The following LILRB3 variants were observed in gnomAD, a reference collection of about 807,000 sequenced individuals.
LILRB3 encodes the protein leukocyte immunoglobulin like receptor B3, also known as leukocyte immunoglobulin-like receptor subfamily B member 3.
LILRB3 carries 32 observed loss-of-function variants against 68.2 expected under a neutral mutation model. The observed-to-expected ratio is 0.47, with a 90% CI of 0.35 to 0.63. The LOEUF (loss-of-function observed/expected upper bound fraction) is 0.63. Ranked by LOEUF, LILRB3 falls within the 30% of genes least tolerant of loss-of-function variation. LILRB3 has a pLI of 0.00. For synonymous variants in LILRB3, 185 were observed against 323.1 expected, an observed-to-expected ratio of 0.57 and a Z score of 4.58; for missense variants, 502 against 791.3, an observed-to-expected ratio of 0.63 and a Z score of 4.39.
exon 3 of LILRB3, chr19:54,222,336 G>T (rs1391484659): frequency 6.2e-7 from 1 of 1,604,878 alleles, no homozygotes; most frequent in South Asian, 1.1e-5. Context: ...AGCTGTAATA[G>T]TGGCAGCGGT....
At chr19:54,217,598 C>T (rs1042415463) in intron 11 of LILRB3, 124 bp from the exon 12 acceptor site, 2 of 1,318,482 alleles carry the variant, frequency 1.5e-6, no homozygotes, top group African/African-American at 3.1e-5. Flanking sequence ...TCAGGGACGC[C>T]CTAAGGCCGT....
intron 7 of LILRB3, chr19:54,219,542 C>G: frequency 6.5e-7 from 1 of 1,550,344 alleles, no homozygotes; most frequent in Non-Finnish European, 8.7e-7. Context: ...GGGAAAGAGC[C>G]TGACCGTCCT....
chr19:54,222,438 G>C (rs1453732072), exon 3 of LILRB3: 2 of 1,605,108 alleles, frequency 1.2e-6, no homozygotes, highest in Non-Finnish European at 1.7e-6. Context: ...AGGGCTCTGG[G>C]CTTCCCTCTT....
rs1238594234 is a variant in LILRB3 at position 54,218,757 on chromosome 19, A to T, written c.1502+6T>A. 6.2e-7 allele frequency: 1 copy of T among 1,614,036 alleles called. No individual in the cohort carries two copies. The highest frequency in any genetic ancestry group is 1.3e-5 in the African/African-American group (1 of 74,986). ...TGGGAGTCTGTGGTCTTTGGGGCAGAATTACCTCCTCAGCAGGCCCCTGTC... is the reference window on the plus strand; with the variant it reads ...TGGGAGTCTGTGGTCTTTGGGGCAGTATTACCTCCTCAGCAGGCCCCTGTC... On this transcript the variant is annotated splice_donor_region_variant and intron_variant, in intron 9 of 12. Transcript: ENST00000445347.
chr19:54,218,260 G>C lies in LILRB3; in HGVS notation c.1593+101C>G, dbSNP rs113418242. On this transcript the variant is annotated intron_variant, in intron 11 of 12. Coordinates refer to ENST00000445347, the Ensembl canonical transcript of LILRB3. ...CATGCTGGACAAGGAGGGGTCCACC[G>C]TGACGATGCTGAGAGCCGGGGGAAG... 2.5e-5 allele frequency: 37 copies of C among 1,489,286 alleles called. No individual in the cohort carries two copies. In the African/African-American group the frequency reaches 3.9e-4, roughly 16 times the overall value. 92.3% of individuals were successfully genotyped at this position (1,489,286 alleles called of 1,614,324 possible).
intron 10 of LILRB3, 33 bp from the exon 11 acceptor site, chr19:54,218,446 G>T: frequency 6.2e-7 from 1 of 1,613,532 alleles, no homozygotes; most frequent in Non-Finnish European, 8.5e-7. Context: ...TCGTCTCCTG[G>T]TTCTCTGAGA....
At chr19:54,219,971 G>C in intron 7 of LILRB3, 184 bp downstream of exon 7, 3 of 1,296,760 alleles carry the variant, frequency 2.3e-6, no homozygotes, top group Non-Finnish European at 3.2e-6. Flanking sequence ...CCCCACATCA[G>C]CCCGGCTCCT....
At position 54,219,114 on chromosome 19, in the gene LILRB3, C is replaced by T. The variant is rs768421573; in HGVS notation, c.1426+15G>A. 2.8e-5 allele frequency: 44 copies of T among 1,577,230 alleles called. No individual in the cohort carries two copies. The highest frequency in any genetic ancestry group is 2.2e-5 in the East Asian group (1 of 44,730). On this transcript the variant is annotated intron_variant, in intron 8 of 12. Transcript: ENST00000445347. ...ACCCTCGGTCGACCCATGGGTCCCC[C>T]GCTTCCCTACTCACCAGATGTCCTG...
intron 7 of LILRB3, 171 bp downstream of exon 7, chr19:54,219,984 T>C (rs749572037): frequency 7.9e-7 from 1 of 1,261,650 alleles, no homozygotes; most frequent in Non-Finnish European, 1.1e-6. Flanking sequence ...CGGCTCCTCC[T>C]CCTGGCTGGG....
intron 10 of LILRB3, 50 bp downstream of exon 10, chr19:54,218,594 TG>T: frequency 1.2e-6 from 2 of 1,613,640 alleles, no homozygotes; most frequent in Non-Finnish European, 1.7e-6. Context: ...ACTGAAATTT[TG>T]GGACTCCTGT....
chr19:54,219,507 A>G, intron 7 of LILRB3: 1 of 1,550,392 alleles, frequency 6.4e-7, no homozygotes, highest in Non-Finnish European at 8.7e-7. Context: ...TTGTTCCTGC[A>G]CCAGAGCCGA....
At chr19:54,218,264 C>G (rs1020317625) in intron 11 of LILRB3, 97 bp downstream of exon 11, 1 of 1,513,380 alleles carries the variant, frequency 6.6e-7, no homozygotes, top group Non-Finnish European at 9.2e-7. Flanking sequence ...TCCACCGTGA[C>G]GATGCTGAGA....
Position 54,220,846 on chromosome 19 carries a change from A to T in LILRB3, c.956-16T>A, listed in dbSNP as rs2078091807. 1.4e-6 allele frequency: 2 copies of T among 1,446,478 alleles called. No individual in the cohort carries two copies. The highest frequency in any genetic ancestry group is 1.8e-4 in the Middle Eastern group (1 of 5,446). 89.6% of individuals were successfully genotyped at this position (1,446,478 alleles called of 1,614,324 possible). A position where few individuals can be genotyped will look rare whatever the true frequency, so the allele number is the denominator to read the frequency against. On this transcript the variant is annotated splice_polypyrimidine_tract_variant and intron_variant, in intron 5 of 12. Coordinates refer to ENST00000445347, the Ensembl canonical transcript of LILRB3. ...TAGATCTGTCCTGGAGAGAAGAAGG[A>T]TGGGTGAGGGGCTGCCCCACCTTGC...
At chr19:54,218,621 AT>A in intron 10 of LILRB3, 23 bp downstream of exon 10, 1 of 1,613,884 alleles carries the variant, frequency 6.2e-7, no homozygotes, top group South Asian at 1.1e-5. Context: ...CAGCACCCCC[AT>A]TTGTCCCCTC....
rs3745411 is a variant in LILRB3 at position 54,217,089 on chromosome 19, C to T, written c.*4G>A. ...CTGAGTGTGGGGTCTGCGTACCCCC[C>T]GGGCTAGTGGATGGCCAGAGTGGCG... is the stretch of plus-strand genomic sequence containing the variant. On this transcript the variant is annotated 3_prime_UTR_variant, in exon 13 of 13. Coordinates refer to ENST00000445347, the Ensembl canonical transcript of LILRB3. 3.6e-3 allele frequency: 5,871 copies of T among 1,614,080 alleles called. 109 individuals are homozygous for T. The East Asian group carries it at 0.068, about 19-fold the overall frequency.
At chr19:54,219,459 G>C (rs1267594159) in intron 7 of LILRB3, 7 of 1,542,118 alleles carry the variant, frequency 4.5e-6, no homozygotes, top group African/African-American at 1.4e-5. Flanking sequence ...GGAAGCGGCA[G>C]AGCTGGGAAG....
intron 11 of LILRB3, among the ~76,000 whole-genome samples, chr19:54,218,068 C>A (rs1387904734): frequency 6.9e-6 from 1 of 144,920 alleles, no homozygotes; most frequent in Non-Finnish European, 1.5e-5. Context: ...AAGAGGAGCC[C>A]AGGGGACGGA....
At position 54,219,250 on chromosome 19, in the gene LILRB3, A is replaced by G. The variant is rs1225372561; in HGVS notation, c.1310-5T>C. ...CCTCCAGGTATCTTCCCAGACCTTG[A>G]CATGAGGACGTCAGGAGTGGGAATG... On this transcript the variant is annotated splice_region_variant and splice_polypyrimidine_tract_variant and intron_variant, in intron 7 of 12. Transcript: ENST00000445347. 1 of 1,554,306 alleles carries G rather than the reference A, an allele frequency of 6.4e-7. No homozygotes were observed. The highest frequency in any genetic ancestry group is 8.7e-7 in the Non-Finnish European group (1 of 1,151,612).
chr19:54,216,868 A>G (rs2077512711), exon 13 of LILRB3: 12 of 1,422,848 alleles, frequency 8.4e-6, no homozygotes, highest in Non-Finnish European at 1.0e-5. Context: ...TTTTTTTGTT[A>G]TTAACTCATT....
Sources: allele counts gnomAD v4.1 joint callset (sites outside exome capture counted in the v4.1 genomes callset), GRCh38; gene constraint gnomAD v4.1.1; transcripts MANE v1.5; gene names NCBI Gene and HGNC (gene_info 2026-07-23, HGNC 2026-07-21).